The following NAT9 variants were observed in gnomAD, a reference collection of about 807,000 sequenced individuals.
NAT9 encodes N-acetyltransferase 9.
Under a neutral mutation model 24.0 loss-of-function variants are expected in NAT9, and 18 were observed. That is an observed-to-expected ratio of 0.75 (90% CI 0.52 to 1.11). NAT9 has a LOEUF of 1.11. NAT9 is among the 50% of genes most tolerant of loss of function. The probability of loss-of-function intolerance (pLI) is 0.00; values close to 1 mark genes in which losing one functional copy is unlikely to be tolerated. For missense variants in NAT9, 254 were observed against 258.6 expected (o/e 0.98, Z 0.12); for synonymous variants, 104 against 102.3 (o/e 1.02, Z -0.10).
rs758811918 is a variant in NAT9 at position 74,773,561 on chromosome 17, G to A, written c.190+15C>T. 4 of 1,607,472 alleles carry A rather than the reference G, an allele frequency of 2.5e-6. No individual in the cohort carries two copies. In the South Asian group the frequency reaches 3.3e-5, roughly 13 times the overall value. ...CCAGTACCAGGGCTAGGGGAAGTGGGGGGGCACTCCTCACTGTCTGCATCT... is the reference window on the plus strand; with the variant it reads ...CCAGTACCAGGGCTAGGGGAAGTGGAGGGGCACTCCTCACTGTCTGCATCT... On this transcript the variant is annotated intron_variant, in intron 3 of 6. Transcript: ENST00000357814.
chr17:74,774,549 CTCTT>C (rs1187070373), intron 2 of NAT9, among the ~76,000 whole-genome samples: 1 of 107,776 alleles, frequency 9.3e-6, no homozygotes, highest in Non-Finnish European at 2.0e-5. Flanking sequence ...TCAGGCTGGT[CTCTT>C]TTTTTTTTTT....
At chr17:74,773,476 T>C (rs576623892) in intron 3 of NAT9, 100 bp downstream of exon 3, 3 of 1,066,608 alleles carry the variant, frequency 2.8e-6, no homozygotes, top group Non-Finnish European at 4.3e-6. Context: ...TTCACAAAGC[T>C]TCTATGGCCG....
intron 1 of NAT9, chr17:74,775,940 G>A (rs913845141): frequency 2.2e-6 from 1 of 450,502 alleles, no homozygotes; most frequent in Non-Finnish European, 4.0e-6. Flanking sequence ...CTCCGTTTCT[G>A]CCGGTTCCTT....
Position 74,770,660 on chromosome 17 carries a change from C to T in NAT9, c.*1064G>A, listed in dbSNP as rs542246120. 1.4e-4 allele frequency: 21 copies of T among 152,350 alleles called. No individual in the cohort carries two copies. The highest frequency in any genetic ancestry group is 5.1e-4 in the African/African-American group (21 of 41,576). 9.4% of individuals were successfully genotyped at this position (152,350 alleles called of 1,614,324 possible). Reference sequence around the variant, plus strand: ...GTGCTGGGAGGCCTTAGGCAAGTCACCTTACTTATCTAAGACTGTTTCCCC... The same window carrying T: ...GTGCTGGGAGGCCTTAGGCAAGTCATCTTACTTATCTAAGACTGTTTCCCC... On this transcript the variant is annotated 3_prime_UTR_variant, in exon 7 of 7. Transcript: ENST00000357814.
chr17:74,773,455 C>T, intron 3 of NAT9, 121 bp downstream of exon 3: 1 of 872,032 alleles, frequency 1.1e-6, no homozygotes, highest in Non-Finnish European at 1.8e-6. Context: ...GTTCCAGCAC[C>T]TTCCAGGCTT....
At chr17:74,773,276 TCAC>T (rs1383969991) in intron 3 of NAT9, 5 of 598,432 alleles carry the variant, frequency 8.4e-6, no homozygotes, top group Non-Finnish European at 8.8e-6. Context: ...AGGAGGGCAG[TCAC>T]CACACTAGGC....
rs376446656 is a variant in NAT9, at chr17:74,773,565, G to A, written c.190+11C>T. The A allele has an allele frequency of 6.2e-7, 1 of 1,605,474 alleles. No homozygotes were observed. The highest frequency in any genetic ancestry group is 1.7e-4 in the Middle Eastern group (1 of 6,044). Reference sequence around the variant, plus strand: ...TACCAGGGCTAGGGGAAGTGGGGGGGCACTCCTCACTGTCTGCATCTTCCT... The same window carrying A: ...TACCAGGGCTAGGGGAAGTGGGGGGACACTCCTCACTGTCTGCATCTTCCT... On this transcript the variant is annotated intron_variant, in intron 3 of 6. Coordinates refer to ENST00000357814, the MANE Select transcript of NAT9 (RefSeq NM_015654.5).
At position 74,771,801 on chromosome 17, in the gene NAT9, C is replaced by G; in HGVS notation, c.547G>C (p.Glu183Gln). ...GTCTGCTCCAGAAGCCACTGATGCT[C>G]GGACTCACTCACTGTCAGTCTGAGG... ...VTLRLTVSES[E>Q]HQWLLEQTSH... Residue 183 changes from glutamate (E) to glutamine (Q), a missense_variant, in exon 7 of 7, where the codon GAG becomes CAG. Glu to Gln is a conservative substitution (Grantham distance 29). Transcript: ENST00000357814. 1 of 1,614,170 alleles carries G rather than the reference C, an allele frequency of 6.2e-7. No individual in the cohort carries two copies. Among genetic ancestry groups the G allele is most frequent in the Non-Finnish European group, 8.5e-7 (1 of 1,180,030 alleles).
rs2035141789 is a variant in NAT9 at position 74,770,945 on chromosome 17, G to T, written c.*779C>A. 1 of 152,304 alleles carries T rather than the reference G, an allele frequency of 6.6e-6. No individual in the cohort carries two copies. The highest frequency in any genetic ancestry group is 6.5e-5 in the Admixed American group (1 of 15,286). 9.4% of individuals were successfully genotyped at this position (152,304 alleles called of 1,614,324 possible). ...AGCTGCTCCCAGAGATGGAGGGTGA[G>T]GAACAGACGTGGGAGCACCAGAGGG... On this transcript the variant is annotated 3_prime_UTR_variant, in exon 7 of 7. Coordinates refer to ENST00000357814, the MANE Select transcript of NAT9 (RefSeq NM_015654.5).
At chr17:74,773,749 T>TATAA in intron 2 of NAT9, 61 bp from the exon 3 acceptor site, 1 of 1,402,280 alleles carries the variant, frequency 7.1e-7, no homozygotes, top group Non-Finnish European at 1.0e-6. Context: ...GTCTGACACC[T>TATAA]TATGAGGGTC....
chr17:74,773,136 ATC>A, intron 3 of NAT9, 97 bp from the exon 4 acceptor site: 1 of 1,408,038 alleles, frequency 7.1e-7, no homozygotes, highest in Non-Finnish European at 9.6e-7. Flanking sequence ...GAACACCAGC[ATC>A]TCTGAGTCTG....
chr17:74,772,613 G>A, intron 4 of NAT9: 1 of 1,380,780 alleles, frequency 7.2e-7, no homozygotes, highest in Non-Finnish European at 9.4e-7. Context: ...ACCTTTTTCT[G>A]AGGGTCCCCA....
At chr17:74,775,821 T>A in intron 1 of NAT9, 114 bp from the exon 2 acceptor site, 2 of 715,182 alleles carry the variant, frequency 2.8e-6, no homozygotes, top group Non-Finnish European at 4.7e-6. Flanking sequence ...TAGTTCCGTC[T>A]AGACACTTCA....
At chr17:74,775,286 C>G (rs192861599) in intron 2 of NAT9, 1 of 207,204 alleles carries the variant, frequency 4.8e-6, no homozygotes, top group Admixed American at 5.8e-5. Flanking sequence ...CTCCTGGGCT[C>G]AGGCAATCCT....
chr17:74,772,176 G>C (rs773120905), intron 5 of NAT9, 42 bp downstream of exon 5: 2 of 1,614,088 alleles, frequency 1.2e-6, no homozygotes, highest in South Asian at 2.2e-5. Flanking sequence ...AGTTCACCTG[G>C]GGCCTGCCCA....
rs1322658385 is a variant in NAT9, at chr17:74,771,623, G to T, written c.*101C>A. On this transcript the variant is annotated 3_prime_UTR_variant, in exon 7 of 7. Transcript: ENST00000357814. ...GAAGGGCCTCGAAAGGTGATTCCCA[G>T]CCTGGGCCAGGAGCACTCTCCCAGT... The T allele has an allele frequency of 6.5e-7, 1 of 1,532,012 alleles. No homozygotes were observed. The highest frequency in any genetic ancestry group is 8.8e-7 in the Non-Finnish European group (1 of 1,136,398). The allele number at this position is 1,532,012 out of a possible 1,614,324, so 94.9% of individuals were successfully genotyped here.
chr17:74,772,037 G>A lies in NAT9; in HGVS notation c.412C>T (p.Leu138=), dbSNP rs2035271586. 1 of 1,614,102 alleles carries A rather than the reference G, an allele frequency of 6.2e-7. No homozygotes were observed. The highest frequency in any genetic ancestry group is 8.5e-7 in the Non-Finnish European group (1 of 1,180,046). ...MLSYGVTTLG[L]TKFEAKIGQG... is the part of the protein sequence containing the mutation. ...CCAATTTTAGCCTCAAACTTGGTCAGACCTAGCGTGGTCACTCCTCGCAGA... is the reference window on the plus strand; with the variant it reads ...CCAATTTTAGCCTCAAACTTGGTCAAACCTAGCGTGGTCACTCCTCGCAGA... The change falls in exon 6 of 7, where the codon CTG becomes TTG. Residue 138 remains leucine, a synonymous_variant. Transcript: ENST00000357814.
Position 74,771,552 on chromosome 17 carries a change from C to T in NAT9, c.*172G>A. 2 of 1,075,358 alleles carry T rather than the reference C, an allele frequency of 1.9e-6. No homozygotes were observed. The highest frequency in any genetic ancestry group is 2.6e-6 in the Non-Finnish European group (2 of 764,548). The allele number at this position is 1,075,358 out of a possible 1,614,324, so 66.6% of individuals were successfully genotyped here. ...GCCCTGGCCCTGGAGTCTGCTCAGCCACACCACTAGCTGGAGGGAGGCCAC... is the reference window on the plus strand; with the variant it reads ...GCCCTGGCCCTGGAGTCTGCTCAGCTACACCACTAGCTGGAGGGAGGCCAC... On this transcript the variant is annotated 3_prime_UTR_variant, in exon 7 of 7. Transcript: ENST00000357814.
At position 74,771,636 on chromosome 17, in the gene NAT9, G is replaced by T; in HGVS notation, c.*88C>A. The T allele has an allele frequency of 6.4e-7, 1 of 1,563,970 alleles. No individual in the cohort carries two copies. The highest frequency in any genetic ancestry group is 8.7e-7 in the Non-Finnish European group (1 of 1,153,044). ...AGGTGATTCCCAGCCTGGGCCAGGA[G>T]CACTCTCCCAGTGCAGGGCTCTGGT... On this transcript the variant is annotated 3_prime_UTR_variant, in exon 7 of 7. Coordinates refer to ENST00000357814, the MANE Select transcript of NAT9 (RefSeq NM_015654.5).
Sources: gnomAD v4.1 joint callset for allele counts (sites outside exome capture counted in the v4.1 genomes callset) on GRCh38, gnomAD v4.1.1 for gene constraint, MANE v1.5 for transcripts, NCBI Gene and HGNC (gene_info 2026-07-23, HGNC 2026-07-21) for gene names.